Variants in ABI3BP observed in about 807,000 individuals in gnomAD.
ABI3BP encodes the protein target of Nesh-SH3.
ABI3BP carries 216 observed loss-of-function variants against 268.6 expected under a neutral mutation model. The observed-to-expected ratio is 0.80, with a 90% CI of 0.72 to 0.90. The LOEUF (loss-of-function observed/expected upper bound fraction) is 0.90, where lower values mean the gene tolerates loss of function less well. Among genes scored for constraint, ABI3BP ranks in the 40% least tolerant of loss-of-function variants. ABI3BP has a pLI of 0.00. For synonymous variants in ABI3BP, 730 were observed against 730.0 expected (o/e 1.00, Z 0.00); for missense variants, 2,090 against 2,182.4 (o/e 0.96, Z 0.84).
chr3:100,828,301 A>T, intron 34 of ABI3BP, 92 bp downstream of exon 34: 1 of 1,276,076 alleles, frequency 7.8e-7, no homozygotes, highest in Admixed American at 2.3e-5. Context: ...ACCGTTACAA[A>T]ACCAAAAATG....
chr3:100,867,501 T>C (rs1296138955), intron 9 of ABI3BP, among the ~76,000 whole-genome samples: 3 of 150,732 alleles, frequency 2.0e-5, no homozygotes, highest in Non-Finnish European at 4.4e-5. Flanking sequence ...ATTAGCCGGG[T>C]GTGGTGGCGG....
Position 100,852,022 on chromosome 3 carries a change from T to C in ABI3BP, c.1286-82A>G, listed in dbSNP as rs2098846761. The C allele has an allele frequency of 4.0e-6, 5 of 1,261,272 alleles. No individual in the cohort carries two copies. The Admixed American group carries it at 7.1e-5, about 18-fold the overall frequency. 78.1% of individuals were successfully genotyped at this position (1,261,272 alleles called of 1,614,324 possible). ...TAATTTAGAAAGATTACATGACATG[T>C]TGTAATGCTGGTTGAAGGACAGTTT... is the stretch of plus-strand genomic sequence containing the variant. On this transcript the variant is annotated intron_variant, in intron 14 of 67. Transcript: ENST00000471714.
At chr3:100,907,056 A>G (rs1484018693) in intron 2 of ABI3BP, among the ~76,000 whole-genome samples, 1 of 152,234 alleles carries the variant, frequency 6.6e-6, no homozygotes, top group East Asian at 1.9e-4. Context: ...TTTTCTGGAC[A>G]TAAGAGCACA....
At position 100,817,445 on chromosome 3, in the gene ABI3BP, T is replaced by C. The variant is rs774159892; in HGVS notation, c.3139A>G (p.Thr1047Ala). Residue 1047 changes from threonine to alanine, a missense_variant, in exon 42 of 68, where the codon ACA (threonine) becomes GCA (alanine). Physicochemically the swap from Thr to Ala is moderately conservative, Grantham distance 58. Coordinates refer to ENST00000471714, the MANE Select transcript of ABI3BP (RefSeq NM_001375547.2). ...CACAGAATATCATTACCTAACGTTG[T>C]TTCTGGAAACTTGGTTCTAAAAGTG... ...PDTFRTKFPE[T>A]TLAPKTQRTR... 1.3e-5 allele frequency: 19 copies of C among 1,511,948 alleles called. No homozygotes were observed. The South Asian group carries it at 2.1e-4, about 17-fold the overall frequency. 93.7% of individuals were successfully genotyped at this position (1,511,948 alleles called of 1,614,324 possible).
At chr3:100,795,027 T>C (rs955046803) in intron 53 of ABI3BP, 24 bp from the exon 54 acceptor site, 3 of 1,398,862 alleles carry the variant, frequency 2.1e-6, no homozygotes, top group Non-Finnish European at 2.8e-6. Context: ...AGGACCAAGG[T>C]TGTAAATTTT....
Position 100,750,549 on chromosome 3 carries a change from T to G in ABI3BP, c.5307A>C (p.Gln1769His). The change falls in exon 68 of 68, where the codon CAA becomes CAC. Residue 1769 changes from glutamine to histidine, a missense_variant. By Grantham distance (24) the Gln-to-His change is conservative. Coordinates refer to ENST00000471714, the MANE Select transcript of ABI3BP (RefSeq NM_001375547.2). ...VQFGEIGGHT[Q>H]INYVQWYECG... ...ATTCATACCACTGAACATAATTGATTTGGGTGTGACCACCTATTTCTCCAA... is the reference window on the plus strand; with the variant it reads ...ATTCATACCACTGAACATAATTGATGTGGGTGTGACCACCTATTTCTCCAA... 1.2e-6 allele frequency: 2 copies of G among 1,613,320 alleles called. No individual in the cohort carries two copies. Among genetic ancestry groups the G allele is most frequent in the Middle Eastern group, 1.7e-4 (1 of 6,060 alleles).
chr3:100,876,408 A>G (rs1478526784), intron 7 of ABI3BP, 104 bp downstream of exon 7: 3 of 1,098,724 alleles, frequency 2.7e-6, no homozygotes, highest in South Asian at 3.0e-5. Context: ...TTCTCAAAAA[A>G]AAAATCAATT....
At chr3:100,753,557 G>T (rs2095454223) in intron 65 of ABI3BP, among the ~76,000 whole-genome samples, 1 of 152,158 alleles carries the variant, frequency 6.6e-6, no homozygotes, top group South Asian at 2.1e-4. Context: ...CTCTCAGAGT[G>T]CTGGGATTAC....
intron 2 of ABI3BP, among the ~76,000 whole-genome samples, chr3:100,916,922 A>C (rs911305386): frequency 5.3e-5 from 8 of 152,216 alleles, no homozygotes; most frequent in Non-Finnish European, 1.2e-4. Flanking sequence ...TTTTTCAACT[A>C]AACTAGGGTA....
chr3:100,754,570 C>G (rs1428128802), intron 64 of ABI3BP, 42 bp downstream of exon 64: 1 of 1,518,244 alleles, frequency 6.6e-7, no homozygotes, highest in African/African-American at 1.4e-5. Context: ...TCCACTGTGG[C>G]CCTTTTACAT....
chr3:100,753,548 T>C (rs2149276418), intron 65 of ABI3BP, among the ~76,000 whole-genome samples: 1 of 152,286 alleles, frequency 6.6e-6, no homozygotes, highest in South Asian at 2.1e-4. Flanking sequence ...CACCTCAGCC[T>C]CTCAGAGTGC....
chr3:100,766,772 C>T (rs1417450198), intron 62 of ABI3BP, among the ~76,000 whole-genome samples: 1 of 152,060 alleles, frequency 6.6e-6, no homozygotes, highest in Non-Finnish European at 1.5e-5. Context: ...ATACAGAGGA[C>T]TAAAAAAGAA....
chr3:100,785,748 C>A (rs1182064969), intron 57 of ABI3BP, among the ~76,000 whole-genome samples: 1 of 152,198 alleles, frequency 6.6e-6, no homozygotes, highest in Non-Finnish European at 1.5e-5. Flanking sequence ...GCCACAACTA[C>A]TGCTGGTGTG....
chr3:100,839,682 A>G, intron 23 of ABI3BP, 66 bp from the exon 24 acceptor site: 3 of 1,469,918 alleles, frequency 2.0e-6, no homozygotes, highest in African/African-American at 1.4e-5. Flanking sequence ...GGGAGACATT[A>G]TGCCTCAAGC....
chr3:100,961,518 T>C (rs1463176570), intron 1 of ABI3BP, among the ~76,000 whole-genome samples: 3 of 152,146 alleles, frequency 2.0e-5, no homozygotes, highest in African/African-American at 7.2e-5. Flanking sequence ...GAACATAATA[T>C]GGGCAAAGGA....
intron 14 of ABI3BP, among the ~76,000 whole-genome samples, chr3:100,858,700 C>G (rs975247580): frequency 1.3e-5 from 2 of 152,180 alleles, no homozygotes. Context: ...CTAGTACCCA[C>G]AGGTAGGCTG....
At chr3:100,877,913 T>C (rs890169266) in intron 6 of ABI3BP, among the ~76,000 whole-genome samples, 1 of 152,146 alleles carries the variant, frequency 6.6e-6, no homozygotes, top group African/African-American at 2.4e-5. Context: ...ATAAGTGATA[T>C]CCCTCTGATA....
intron 62 of ABI3BP, 83 bp from the exon 63 acceptor site, chr3:100,766,032 G>A: frequency 9.9e-7 from 1 of 1,008,556 alleles, no homozygotes; most frequent in Admixed American, 2.1e-5. Flanking sequence ...GCATAAAAAA[G>A]CCACTTACAT....
chr3:100,946,310 G>A (rs936612168), intron 1 of ABI3BP, among the ~76,000 whole-genome samples: 12 of 150,034 alleles, frequency 8.0e-5, no homozygotes, highest in African/African-American at 2.9e-4. Context: ...GGCAGAGGCT[G>A]AGGTGAGCCA....
Sources: gnomAD v4.1 joint callset for allele counts (sites outside exome capture counted in the v4.1 genomes callset) on GRCh38, gnomAD v4.1.1 for gene constraint, MANE v1.5 for transcripts, NCBI Gene and HGNC (gene_info 2026-07-23, HGNC 2026-07-21) for gene names.